The following CTNNA3 variants were observed in gnomAD, a reference collection of about 807,000 sequenced individuals.
The protein encoded by CTNNA3 is catenin alpha-3.
A neutral mutation model predicts 95.7 loss-of-function variants in CTNNA3; 76 were observed. That is an observed-to-expected ratio of 0.79 (90% CI 0.66 to 0.96). The LOEUF (loss-of-function observed/expected upper bound fraction) is 0.96, where lower values mean the gene tolerates loss of function less well. Among genes scored for constraint, CTNNA3 ranks in the 40% least tolerant of loss-of-function variants. The pLI is 0.00. For missense variants in CTNNA3, 1,191 were observed against 1,089.8 expected, an observed-to-expected ratio of 1.09 and a Z score of -1.31; for synonymous variants, 431 against 374.4, an observed-to-expected ratio of 1.15 and a Z score of -1.74.
chr10:66,597,517 T>C (rs1233219861), intron 10 of CTNNA3, among the ~76,000 whole-genome samples: 5 of 76,304 alleles, frequency 6.6e-5, no homozygotes, highest in African/African-American at 1.7e-4. Context: ...CATACATATA[T>C]ATATATATAT....
chr10:66,925,412 A>G (rs906715314), intron 7 of CTNNA3, among the ~76,000 whole-genome samples: 5 of 151,074 alleles, frequency 3.3e-5, no homozygotes, highest in Admixed American at 6.6e-5. Flanking sequence ...AACACTAAAA[A>G]TGGTTTATTT....
At chr10:67,726,424 TATTATATCA>T (rs1841220086) in intron 1 of CTNNA3, among the ~76,000 whole-genome samples, 4 of 38,492 alleles carry the variant, frequency 1.0e-4, no homozygotes, top group Non-Finnish European at 1.4e-4. Flanking sequence ...TAATATTATA[TATTATATCA>T]TATATAATAT....
At chr10:66,667,103 T>C (rs1237984078) in intron 9 of CTNNA3, among the ~76,000 whole-genome samples, 1 of 152,134 alleles carries the variant, frequency 6.6e-6, no homozygotes, top group Non-Finnish European at 1.5e-5. Flanking sequence ...AACCTACTTG[T>C]ACAACTGTTG....
intron 13 of CTNNA3, among the ~76,000 whole-genome samples, chr10:66,144,531 A>C (rs2083779434): frequency 6.6e-6 from 1 of 151,778 alleles, no homozygotes; most frequent in Non-Finnish European, 1.5e-5. Flanking sequence ...CGTGTTGCCC[A>C]GGCTGGAGTG....
chr10:66,890,758 A>G (rs1486455017), intron 7 of CTNNA3, among the ~76,000 whole-genome samples: 2 of 152,320 alleles, frequency 1.3e-5, no homozygotes, highest in East Asian at 3.9e-4. Context: ...CTTTTTAAGA[A>G]GAAAGATTTT....
At chr10:67,557,870 A>G (rs1009134947) in intron 3 of CTNNA3, among the ~76,000 whole-genome samples, 2 of 152,174 alleles carry the variant, frequency 1.3e-5, no homozygotes, top group East Asian at 1.9e-4. Context: ...CTATGATACT[A>G]GGAACTGGGC....
chr10:66,077,492 G>A (rs1440305701), intron 14 of CTNNA3, among the ~76,000 whole-genome samples: 1 of 151,740 alleles, frequency 6.6e-6, no homozygotes, highest in African/African-American at 2.4e-5. Flanking sequence ...CTCTGGGCCT[G>A]AGAAATAAAG....
chr10:66,822,197 T>C (rs1001160943), intron 7 of CTNNA3, among the ~76,000 whole-genome samples: 9 of 151,388 alleles, frequency 5.9e-5, no homozygotes, highest in Non-Finnish European at 8.8e-5. Context: ...TAAATAATTA[T>C]AGCATCATGC....
At chr10:66,205,797 G>C (rs896684355) in intron 13 of CTNNA3, among the ~76,000 whole-genome samples, 5 of 151,890 alleles carry the variant, frequency 3.3e-5, no homozygotes, top group African/African-American at 1.2e-4. Flanking sequence ...CATAAAGCCT[G>C]TCATTATGTG....
rs566280592 is a variant in CTNNA3 at position 66,729,867 on chromosome 10, G to A, written c.1281+36397C>T. ...TGCCTGTAATCCCAGCACTTTGGGA[G>A]GCTGAGGCGGGCGGATCACGAGGTC... On this transcript the variant is annotated intron_variant, in intron 9 of 17. Transcript: ENST00000433211. Among the ~76,000 whole-genome samples the A allele has an allele frequency of 3.3e-5, 5 of 152,214 alleles. No individual in the cohort carries two copies. The South Asian group carries it at 1.0e-3, about 32-fold the overall frequency.
chr10:66,710,177 A>T (rs1293595039), intron 9 of CTNNA3, among the ~76,000 whole-genome samples: 1 of 152,102 alleles, frequency 6.6e-6, no homozygotes, highest in African/African-American at 2.4e-5. Flanking sequence ...GTCACTGGCA[A>T]ATCCAGTGTG....
At chr10:67,098,734 CTT>C (rs1262416431) in intron 7 of CTNNA3, 4 of 152,196 alleles carry the variant, frequency 2.6e-5, no homozygotes, top group Admixed American at 2.0e-4. Context: ...CAAATAAAAA[CTT>C]TTGTTACATC....
intron 12 of CTNNA3, among the ~76,000 whole-genome samples, chr10:66,282,375 A>T (rs552532792): frequency 6.6e-6 from 1 of 151,688 alleles, no homozygotes; most frequent in Non-Finnish European, 1.5e-5. Context: ...CTTTTATAAC[A>T]TCTCAAACAT....
At chr10:66,502,257 A>G (rs966124457) in intron 11 of CTNNA3, among the ~76,000 whole-genome samples, 2 of 152,138 alleles carry the variant, frequency 1.3e-5, no homozygotes, top group Non-Finnish European at 2.9e-5. Context: ...GGTGAGTTTC[A>G]GGTACTGATA....
chr10:66,265,439 G>C (rs1293225079), intron 13 of CTNNA3, among the ~76,000 whole-genome samples: 1 of 151,912 alleles, frequency 6.6e-6, no homozygotes, highest in Non-Finnish European at 1.5e-5. Flanking sequence ...CCCCTCCCCT[G>C]TTAAAGCTAT....
chr10:67,141,592 A>G (rs1860569569), intron 7 of CTNNA3, among the ~76,000 whole-genome samples: 1 of 152,176 alleles, frequency 6.6e-6, no homozygotes, highest in South Asian at 2.1e-4. Flanking sequence ...TCAACAGAGT[A>G]GCCATAGTGA....
At chr10:66,258,899 GA>G (rs1474619190) in intron 13 of CTNNA3, among the ~76,000 whole-genome samples, 6 of 152,068 alleles carry the variant, frequency 3.9e-5, no homozygotes, top group Non-Finnish European at 5.9e-5. Context: ...CAGGAATGCG[GA>G]AAAAGAGAAG....
chr10:66,806,261 T>TGTG (rs1841635970), intron 7 of CTNNA3, among the ~76,000 whole-genome samples: 1 of 143,958 alleles, frequency 6.9e-6, no homozygotes, highest in African/African-American at 2.6e-5. Flanking sequence ...ATATTGGTGT[T>TGTG]TGTGTGTGTG....
chr10:65,963,140 A>G (rs779891405), intron 17 of CTNNA3, among the ~76,000 whole-genome samples: 11 of 152,198 alleles, frequency 7.2e-5, no homozygotes, highest in Non-Finnish European at 1.6e-4. Context: ...TACTATTGCC[A>G]TCTCAAACTA....
Sources: gnomAD v4.1 joint callset for allele counts (sites outside exome capture counted in the v4.1 genomes callset) on GRCh38, gnomAD v4.1.1 for gene constraint, MANE v1.5 for transcripts, NCBI Gene and HGNC (gene_info 2026-07-23, HGNC 2026-07-21) for gene names.